The following ADGRL1 variants were observed in gnomAD, a reference collection of about 807,000 sequenced individuals.
ADGRL1 encodes the protein adhesion G protein-coupled receptor L1, also known as CIRL-1.
In ADGRL1, 31 loss-of-function variants were observed where a neutral mutation model predicts 148.9. The ratio of observed to expected loss-of-function variants is 0.21; its 90% CI spans 0.16 to 0.28. The LOEUF (loss-of-function observed/expected upper bound fraction) is 0.28, where lower values mean the gene tolerates loss of function less well. Among genes scored for constraint, ADGRL1 ranks in the 10% least tolerant of loss-of-function variants. The pLI is 1.00. For missense variants in ADGRL1, 1,521 were observed against 2,058.8 expected, an observed-to-expected ratio of 0.74 and a Z score of 5.05; for synonymous variants, 937 against 900.3, an observed-to-expected ratio of 1.04 and a Z score of -0.73.
rs564718446 is a variant in ADGRL1, at chr19:14,147,854, C to T, written c.*3019G>A. 6.6e-6 allele frequency: 1 copy of T among 152,018 alleles called. No homozygotes were observed. The highest frequency in any genetic ancestry group is 2.1e-4 in the South Asian group (1 of 4,800). The allele number at this position is 152,018 out of a possible 1,614,324, so 9.4% of individuals were successfully genotyped here. A position where few individuals can be genotyped will look rare whatever the true frequency, so the allele number is the denominator to read the frequency against. ...GTTGTTATGAGCCTTTTGTTTTGTT[C>T]TCGTTAAATGCACTCGACCCAAAAT... On this transcript the variant is annotated 3_prime_UTR_variant, in exon 23 of 23. Coordinates refer to ENST00000361434, the MANE Select transcript of ADGRL1 (RefSeq NM_014921.5).
chr19:14,194,034 G>A (rs991947609), intron 1 of ADGRL1, among the ~76,000 whole-genome samples: 1 of 152,158 alleles, frequency 6.6e-6, no homozygotes, highest in Non-Finnish European at 1.5e-5. Context: ...TTGAGCCCAG[G>A]AGTTTGAGAC....
At chr19:14,174,554 GAGAC>G (rs1446129584) in intron 3 of ADGRL1, among the ~76,000 whole-genome samples, 34 of 75,664 alleles carry the variant, frequency 4.5e-4, no homozygotes, top group Non-Finnish European at 7.7e-4. Context: ...TTTTTTTTTT[GAGAC>G]AGAGTCTCAC....
At chr19:14,158,942 A>C in intron 11 of ADGRL1, 148 bp downstream of exon 11, 4 of 964,080 alleles carry the variant, frequency 4.1e-6, no homozygotes, top group Non-Finnish European at 6.1e-6. Flanking sequence ...GCAGCACTTC[A>C]GGGCCCATGA....
intron 1 of ADGRL1, chr19:14,190,892 A>C (rs1478890598): frequency 5.6e-6 from 2 of 360,328 alleles, no homozygotes; most frequent in Non-Finnish European, 1.1e-5. Context: ...GTTCAAGACC[A>C]GCCTGGCCAA....
chr19:14,174,002 T>C (rs928223235), intron 3 of ADGRL1, among the ~76,000 whole-genome samples: 1 of 137,908 alleles, frequency 7.3e-6, no homozygotes, highest in East Asian at 2.1e-4. Context: ...GCAGTGGGGG[T>C]TGGGGACTCA....
At chr19:14,190,898 G>A in intron 1 of ADGRL1, 1 of 361,382 alleles carries the variant, frequency 2.8e-6, no homozygotes, top group South Asian at 2.0e-5. Flanking sequence ...GACCAGCCTG[G>A]CCAACATGGT....
chr19:14,189,280 GC>G (rs1971784883), intron 1 of ADGRL1, among the ~76,000 whole-genome samples: 1 of 149,912 alleles, frequency 6.7e-6, no homozygotes, highest in South Asian at 2.1e-4. Flanking sequence ...GAGTGCCGTG[GC>G]CCAATCTCGG....
chr19:14,193,172 G>C (rs1972048963), intron 1 of ADGRL1, among the ~76,000 whole-genome samples: 1 of 151,370 alleles, frequency 6.6e-6, no homozygotes, highest in Admixed American at 6.6e-5. Context: ...ACCAGCCTCA[G>C]CTTGGCAGGT....
At chr19:14,201,331 G>A (rs1048683729) in intron 1 of ADGRL1, among the ~76,000 whole-genome samples, 2 of 139,652 alleles carry the variant, frequency 1.4e-5, no homozygotes, top group African/African-American at 5.3e-5. Context: ...GTGGGGGGGG[G>A]CAAGGTTATT....
rs1179401064 is a variant in ADGRL1, at chr19:14,183,448, G to A, written c.70+85C>T. On this transcript the variant is annotated intron_variant, in intron 2 of 22. Transcript: ENST00000361434. ...AGGGGGCTGTAATTCTTTACTGAGT[G>A]ATCAGGAGGGTTTTCAACATTTTAT... 4 of 1,271,860 alleles carry A rather than the reference G, an allele frequency of 3.1e-6. No homozygotes were observed. In the African/African-American group the frequency reaches 6.1e-5, roughly 19 times the overall value. 78.8% of individuals were successfully genotyped at this position (1,271,860 alleles called of 1,614,324 possible). A position where few individuals can be genotyped will look rare whatever the true frequency, so the allele number is the denominator to read the frequency against.
At chr19:14,153,741 A>T (rs988078098) in intron 18 of ADGRL1, among the ~76,000 whole-genome samples, 1 of 150,344 alleles carries the variant, frequency 6.7e-6, no homozygotes, top group Non-Finnish European at 1.5e-5. Context: ...ACCTGAGGTC[A>T]GGAGTTCGAG....
In ADGRL1 at chr19:14,160,473, C is replaced by G. The variant is rs1471587788; in HGVS notation, c.1614+120G>C. 4 of 933,074 alleles carry G rather than the reference C, an allele frequency of 4.3e-6. No homozygotes were observed. The highest frequency in any genetic ancestry group is 4.8e-6 in the Non-Finnish European group (3 of 628,132). The allele number at this position is 933,074 out of a possible 1,614,324, so 57.8% of individuals were successfully genotyped here. A position where few individuals can be genotyped will look rare whatever the true frequency, so the allele number is the denominator to read the frequency against. Reference sequence around the variant, plus strand: ...CCTTTGTAGGCCAGGGAGGTGACCCCACAGTCCTGCCTTCCAGACCTGCCA... The same window carrying G: ...CCTTTGTAGGCCAGGGAGGTGACCCGACAGTCCTGCCTTCCAGACCTGCCA... On this transcript the variant is annotated intron_variant, in intron 7 of 22. Transcript: ENST00000361434. This position sits in a 1 kb window ranked among gnomAD's most constrained non-coding sequence, Gnocchi z 5.9.
chr19:14,195,877 G>C (rs896773625), intron 1 of ADGRL1, among the ~76,000 whole-genome samples: 1 of 152,144 alleles, frequency 6.6e-6, no homozygotes, highest in Non-Finnish European at 1.5e-5. Context: ...GGTTCTCACA[G>C]CATCTCCAGT....
At chr19:14,156,366 T>C (rs1371794619) in intron 16 of ADGRL1, among the ~76,000 whole-genome samples, 165 bp from the exon 17 acceptor site, 3 of 151,996 alleles carry the variant, frequency 2.0e-5, no homozygotes, top group Admixed American at 6.5e-5. Flanking sequence ...GGTGAGCTGA[T>C]TGGCATGACC....
Position 14,151,161 on chromosome 19 carries a change from A to G in ADGRL1, c.4122T>C (p.Pro1374=), listed in dbSNP as rs756249737. 1.2e-6 allele frequency: 2 copies of G among 1,607,592 alleles called. No individual in the cohort carries two copies. The highest frequency in any genetic ancestry group is 1.7e-6 in the Non-Finnish European group (2 of 1,178,088). Reference sequence around the variant, plus strand: ...CGCTGGCATAGAGGGAGTCCCGGCCAGGAGGGGAGGAGAGGGGCCGGCTGG... The same window carrying G: ...CGCTGGCATAGAGGGAGTCCCGGCCGGGAGGGGAGGAGAGGGGCCGGCTGG... ...GATSRPLSSP[P]GRDSLYASGA... The change falls in exon 23 of 23, where the codon CCT becomes CCC. Residue 1374 remains proline, a synonymous_variant. Coordinates refer to ENST00000361434, the MANE Select transcript of ADGRL1 (RefSeq NM_014921.5).
In ADGRL1 at chr19:14,155,610, G is replaced by A; in HGVS notation, c.3126-83C>T. ...AGGCCTCCCCTGCAGCCTACAACGG[G>A]GGCCCTTGGGTGGGCCTGGGCACTG... On this transcript the variant is annotated intron_variant, in intron 17 of 22. Transcript: ENST00000361434. The surrounding 1 kb of genome is among the most constrained non-coding windows in gnomAD (Gnocchi z 5.0). 1 of 1,461,370 alleles carries A rather than the reference G, an allele frequency of 6.8e-7. No individual in the cohort carries two copies. Among genetic ancestry groups the A allele is most frequent in the African/African-American group, 1.4e-5 (1 of 71,604 alleles). 90.5% of individuals were successfully genotyped at this position (1,461,370 alleles called of 1,614,324 possible).
rs760549651 is a variant in ADGRL1 at position 14,147,766 on chromosome 19, ATTGT to A, written c.*3103_*3106del. ...CATTCCAAGAAATCTTAATTTCTTT[ATTGT>A]TTGACTTTTTGACTCAACAATTTTT... is the stretch of plus-strand genomic sequence containing the variant. On this transcript the variant is annotated 3_prime_UTR_variant, in exon 23 of 23. Coordinates refer to ENST00000361434, the MANE Select transcript of ADGRL1 (RefSeq NM_014921.5). 10 of 152,410 alleles carry A rather than the reference ATTGT, an allele frequency of 6.6e-5. No individual in the cohort carries two copies. Among genetic ancestry groups the A allele is most frequent in the Non-Finnish European group, 8.8e-5 (6 of 68,026 alleles). 9.4% of individuals were successfully genotyped at this position (152,410 alleles called of 1,614,324 possible). A position where few individuals can be genotyped will look rare whatever the true frequency, so the allele number is the denominator to read the frequency against.
intron 4 of ADGRL1, among the ~76,000 whole-genome samples, chr19:14,165,042 G>A (rs2144788143): frequency 6.6e-6 from 1 of 152,308 alleles, no homozygotes. Context: ...ACCGGCTTGG[G>A]GGGCAGCCCC....
At chr19:14,156,312 C>T (rs1290700307) in intron 16 of ADGRL1, 111 bp from the exon 17 acceptor site, 1 of 852,404 alleles carries the variant, frequency 1.2e-6, no homozygotes, top group East Asian at 2.6e-5. Context: ...CTCGCCTCTG[C>T]TGGGAGAACC....
Sources: allele counts gnomAD v4.1 joint callset (sites outside exome capture counted in the v4.1 genomes callset), GRCh38; gene constraint gnomAD v4.1.1; non-coding constraint Gnocchi (gnomAD v3.1); transcripts MANE v1.5; gene names NCBI Gene and HGNC (gene_info 2026-07-23, HGNC 2026-07-21).